Variants in RNF220 observed in about 807,000 individuals in gnomAD.
RNF220 encodes the protein E3 ubiquitin-protein ligase RNF220.
In RNF220, 7 loss-of-function variants were observed where a neutral mutation model predicts 67.1. That is an observed-to-expected ratio of 0.10 (90% confidence interval 0.06 to 0.20). The LOEUF is 0.20. RNF220 is among the 10% of genes least tolerant of loss of function. The pLI is 1.00. For synonymous variants in RNF220, 270 were observed against 283.2 expected (o/e 0.95, Z 0.47); for missense variants, 565 against 740.3 (o/e 0.76, Z 2.75).
Position 44,650,597 on chromosome 1 carries a change from G to T in RNF220, c.1630-107G>T, listed in dbSNP as rs1644765911. On this transcript the variant is annotated intron_variant, in intron 14 of 14. Coordinates refer to ENST00000361799, the MANE Select transcript of RNF220 (RefSeq NM_018150.4). This position sits in a 1 kb window ranked among gnomAD's most constrained non-coding sequence, Gnocchi z 4.3. ...CCCCAGCCTGGGCTGACAGGACCAA[G>T]GTCTCAGCACACACTGGTGCAGAGA... The T allele has an allele frequency of 4.1e-6, 5 of 1,227,186 alleles. No individual in the cohort carries two copies. In the South Asian group the frequency reaches 4.9e-5, roughly 12 times the overall value. The allele number at this position is 1,227,186 out of a possible 1,614,324, so 76.0% of individuals were successfully genotyped here.
At chr1:44,629,821 C>A (rs1644063885) in intron 5 of RNF220, among the ~76,000 whole-genome samples, 3 of 152,130 alleles carry the variant, frequency 2.0e-5, no homozygotes, top group African/African-American at 7.2e-5. Context: ...ACTTGGCAGA[C>A]AAGGAAGAAA....
chr1:44,574,546 A>G (rs1664671447), intron 2 of RNF220, among the ~76,000 whole-genome samples: 1 of 152,178 alleles, frequency 6.6e-6, no homozygotes, highest in African/African-American at 2.4e-5. Flanking sequence ...CCAGACCCAG[A>G]CAGTTCACCA....
intron 7 of RNF220, chr1:44,635,821 C>T: frequency 2.3e-6 from 3 of 1,279,272 alleles, no homozygotes; most frequent in Non-Finnish European, 3.2e-6. Context: ...CTTTCACTCT[C>T]ACTCATTCCC....
chr1:44,502,499 G>A (rs1302565652), intron 2 of RNF220, among the ~76,000 whole-genome samples: 1 of 152,068 alleles, frequency 6.6e-6, no homozygotes, highest in African/African-American at 2.4e-5. Flanking sequence ...CATCTTCCTG[G>A]AGCAAATATT....
At chr1:44,515,870 TA>T (rs1659413771) in intron 2 of RNF220, among the ~76,000 whole-genome samples, 2 of 152,214 alleles carry the variant, frequency 1.3e-5, no homozygotes, top group African/African-American at 4.8e-5. Context: ...ATTAAAATTG[TA>T]AATTACATAC....
rs1156576792 is a variant in RNF220 at position 44,645,149 on chromosome 1, C to T, written c.1310+68C>T. ...GGAAGCCCTGAGGCAGGGGTTAACG[C>T]AGTACTGACCCTCAGGGCTGTCCTG... On this transcript the variant is annotated intron_variant, in intron 10 of 14. Coordinates refer to ENST00000361799, the MANE Select transcript of RNF220 (RefSeq NM_018150.4). The surrounding 1 kb of genome is among the most constrained non-coding windows in gnomAD (Gnocchi z 5.0). The T allele has an allele frequency of 5.0e-6, 8 of 1,611,400 alleles. No individual in the cohort carries two copies. Among genetic ancestry groups the T allele is most frequent in the African/African-American group, 4.0e-5 (3 of 74,852 alleles).
intron 2 of RNF220, among the ~76,000 whole-genome samples, chr1:44,580,091 AAAAG>A (rs146197408): frequency 0.024 from 3,651 of 151,336 alleles, 164 homozygotes; most frequent in African/African-American, 0.083. Context: ...AAAGAAAAGA[AAAAG>A]AAAGAAAGAA....
At chr1:44,462,913 G>A (rs992335919) in intron 2 of RNF220, among the ~76,000 whole-genome samples, 3 of 152,126 alleles carry the variant, frequency 2.0e-5, no homozygotes, top group Admixed American at 1.3e-4. Context: ...TGTAGTCCCA[G>A]CTACTCAGGA....
chr1:44,480,817 C>G (rs1446484537), intron 2 of RNF220, among the ~76,000 whole-genome samples: 1 of 151,858 alleles, frequency 6.6e-6, no homozygotes, highest in African/African-American at 2.4e-5. Context: ...ACGTGGGAGG[C>G]AGAGGTTGCA....
At position 44,649,708 on chromosome 1, in the gene RNF220, G is replaced by A. The variant is rs1311776187; in HGVS notation, c.1493G>A (p.Arg498Gln). The change falls in exon 13 of 15, where the codon CGG becomes CAG. Residue 498 changes from arginine (R) to glutamine (Q), a missense_variant. Transcript: ENST00000361799. This position sits in a 1 kb window ranked among gnomAD's most constrained non-coding sequence, Gnocchi z 5.9. The stretch of plus-strand genomic sequence containing the variant: ...ACCACGTTTGAGGCTCTGAAGGCTC[G>A]GGTCAGAGAACTTGAACGGCAGCTA... ...AVTTFEALKARVRELERQLSR... is the reference protein window; with the variant it reads ...AVTTFEALKAQVRELERQLSR... 8 of 1,613,882 alleles carry A rather than the reference G, an allele frequency of 5.0e-6. No homozygotes were observed. Among genetic ancestry groups the A allele is most frequent in the East Asian group, 2.2e-5 (1 of 44,894 alleles).
At chr1:44,586,552 A>G (rs189204895) in intron 2 of RNF220, among the ~76,000 whole-genome samples, 85 of 152,286 alleles carry the variant, frequency 5.6e-4, no homozygotes, top group Admixed American at 2.9e-3. Flanking sequence ...TAAGAGCTCC[A>G]TCCCAGACGG....
chr1:44,599,989 A>G (rs960837646), intron 2 of RNF220, among the ~76,000 whole-genome samples: 1 of 152,188 alleles, frequency 6.6e-6, no homozygotes, highest in African/African-American at 2.4e-5. Context: ...GGGACTGAAT[A>G]TGAAGATGCC....
intron 2 of RNF220, among the ~76,000 whole-genome samples, chr1:44,516,753 G>A (rs1659481236): frequency 6.6e-6 from 1 of 152,100 alleles, no homozygotes; most frequent in Non-Finnish European, 1.5e-5. Context: ...CATACATTAA[G>A]TCAATGTGTT....
intron 1 of RNF220, among the ~76,000 whole-genome samples, 163 bp downstream of exon 1, chr1:44,405,693 G>A (rs919988521): frequency 1.3e-5 from 2 of 152,164 alleles, no homozygotes; most frequent in Admixed American, 1.3e-4. Context: ...TCGGACTGGC[G>A]CGTCTTGGAT....
At chr1:44,455,324 T>C (rs375268944) in intron 2 of RNF220, among the ~76,000 whole-genome samples, 1 of 151,770 alleles carries the variant, frequency 6.6e-6, no homozygotes, top group Non-Finnish European at 1.5e-5. Flanking sequence ...AATGGAATCA[T>C]AGGAGGGAGA....
rs970764137 is a variant in RNF220 at position 44,468,214 on chromosome 1, A to G, written c.625+55492A>G. Among the ~76,000 whole-genome samples the G allele has an allele frequency of 9.2e-5, 14 of 152,192 alleles. No individual in the cohort carries two copies. The East Asian group carries it at 2.5e-3, about 27-fold the overall frequency. ...TTTGTAAAAAATGTAATGTCTACAA[A>G]GTGCAATAAAACAAGGTATGCCTGT... On this transcript the variant is annotated intron_variant, in intron 2 of 14. Coordinates refer to ENST00000361799, the MANE Select transcript of RNF220 (RefSeq NM_018150.4).
chr1:44,643,341 G>C (rs1023595290), intron 8 of RNF220: 1 of 152,260 alleles, frequency 6.6e-6, no homozygotes, highest in Non-Finnish European at 1.5e-5. Context: ...GCATATACAG[G>C]CTATGTTTGT....
chr1:44,651,019 C>A lies in RNF220; in HGVS notation c.*244C>A. On this transcript the variant is annotated 3_prime_UTR_variant, in exon 15 of 15. Transcript: ENST00000361799. The stretch of plus-strand genomic sequence containing the variant: ...GGTTTGGGGGCCATACCTGTTCCAG[C>A]TCTGTTCCCAGGGTGGGGCAGGGAG... 3 of 519,832 alleles carry A rather than the reference C, an allele frequency of 5.8e-6. No individual in the cohort carries two copies. Among genetic ancestry groups the A allele is most frequent in the East Asian group, 3.5e-5 (1 of 28,938 alleles). The allele number at this position is 519,832 out of a possible 1,614,324, so 32.2% of individuals were successfully genotyped here. A position where few individuals can be genotyped will look rare whatever the true frequency, so the allele number is the denominator to read the frequency against.
intron 5 of RNF220, among the ~76,000 whole-genome samples, chr1:44,629,036 G>C (rs1445105181): frequency 6.6e-6 from 1 of 152,240 alleles, no homozygotes; most frequent in Non-Finnish European, 1.5e-5. Flanking sequence ...CATCCTGGAG[G>C]ACTGGCTGGG....
Sources: allele counts gnomAD v4.1 joint callset (sites outside exome capture counted in the v4.1 genomes callset), GRCh38; gene constraint gnomAD v4.1.1; non-coding constraint Gnocchi (gnomAD v3.1); transcripts MANE v1.5; gene names NCBI Gene and HGNC (gene_info 2026-07-23, HGNC 2026-07-21).